The following TENM4 variants were observed in gnomAD, a reference collection of about 807,000 sequenced individuals.
TENM4 encodes the protein teneurin-4.
TENM4 carries 82 observed loss-of-function variants against 243.3 expected under a neutral mutation model. That is an observed-to-expected ratio of 0.34 (90% CI 0.28 to 0.40). TENM4 has a LOEUF of 0.40. Among genes scored for constraint, TENM4 ranks in the 10% least tolerant of loss-of-function variants. TENM4 has a pLI of 1.00. For missense variants in TENM4, 3,138 were observed against 3,673.3 expected (o/e 0.85, Z 3.77); for synonymous variants, 1,412 against 1,456.3 (o/e 0.97, Z 0.69).
intron 9 of TENM4, among the ~76,000 whole-genome samples, chr11:78,880,698 G>A (rs1855407160): frequency 6.6e-6 from 1 of 152,232 alleles, no homozygotes; most frequent in Non-Finnish European, 1.5e-5. Flanking sequence ...GAATGTTTCT[G>A]TTGTTTGCCC....
At chr11:78,724,441 G>C (rs1308850913) in intron 23 of TENM4, among the ~76,000 whole-genome samples, 2 of 152,180 alleles carry the variant, frequency 1.3e-5, no homozygotes, top group African/African-American at 4.8e-5. Flanking sequence ...TTCTCATTTA[G>C]ATGTTTAAGA....
chr11:78,730,810 C>T (rs1855645598), intron 21 of TENM4, among the ~76,000 whole-genome samples: 1 of 152,168 alleles, frequency 6.6e-6, no homozygotes, highest in African/African-American at 2.4e-5. Flanking sequence ...TTACCCTCAC[C>T]CCATTCTCCT....
At chr11:78,927,434 T>C (rs1001724990) in intron 6 of TENM4, among the ~76,000 whole-genome samples, 1 of 152,228 alleles carries the variant, frequency 6.6e-6, no homozygotes, top group Non-Finnish European at 1.5e-5. Flanking sequence ...CAAGAAACAT[T>C]AGAACATGGT....
At chr11:79,394,867 G>A (rs182451948) in intron 1 of TENM4, among the ~76,000 whole-genome samples, 1 of 152,208 alleles carries the variant, frequency 6.6e-6, no homozygotes, top group African/African-American at 2.4e-5. Flanking sequence ...TGAGGGCGGA[G>A]GCAGAGACTG....
At chr11:79,031,483 C>T (rs55736057) in intron 6 of TENM4, among the ~76,000 whole-genome samples, 46,542 of 151,996 alleles carry the variant, frequency 0.31, 7,262 homozygotes, top group Middle Eastern at 0.36. Context: ...ACACCTTCAA[C>T]CTCAGGATCA....
chr11:78,954,324 G>T (rs1433176002), intron 6 of TENM4, among the ~76,000 whole-genome samples: 1 of 152,238 alleles, frequency 6.6e-6, no homozygotes, highest in African/African-American at 2.4e-5. Flanking sequence ...AGCAGGCTGT[G>T]TGGGGGCAGC....
intron 9 of TENM4, among the ~76,000 whole-genome samples, chr11:78,874,195 G>A (rs1859206258): frequency 6.6e-6 from 1 of 152,070 alleles, no homozygotes; most frequent in Non-Finnish European, 1.5e-5. Flanking sequence ...CTTACCAGCT[G>A]TGCATCAACA....
chr11:78,841,569 T>C (rs1447653487), intron 12 of TENM4, among the ~76,000 whole-genome samples: 2 of 152,088 alleles, frequency 1.3e-5, no homozygotes, highest in Admixed American at 1.3e-4. Flanking sequence ...CCTCCTTTCC[T>C]AGGCTCCTCC....
At chr11:79,236,008 T>G (rs750789823) in intron 2 of TENM4, among the ~76,000 whole-genome samples, 1 of 152,112 alleles carries the variant, frequency 6.6e-6, no homozygotes, top group Non-Finnish European at 1.5e-5. Flanking sequence ...AACAATGCGC[T>G]CCTCTTCCAA....
chr11:79,239,831 A>G (rs888350536), intron 2 of TENM4, among the ~76,000 whole-genome samples: 1 of 152,192 alleles, frequency 6.6e-6, no homozygotes, highest in Non-Finnish European at 1.5e-5. Flanking sequence ...GCACTCAGGT[A>G]TAAAAGATAG....
At chr11:79,323,908 T>A (rs7127793) in intron 1 of TENM4, among the ~76,000 whole-genome samples, 2 of 151,448 alleles carry the variant, frequency 1.3e-5, no homozygotes, top group African/African-American at 4.9e-5. Context: ...CACACATATA[T>A]ACACTGACAT....
At chr11:79,343,656 A>T (rs780996261) in intron 1 of TENM4, among the ~76,000 whole-genome samples, 32 of 122,386 alleles carry the variant, frequency 2.6e-4, no homozygotes, top group Non-Finnish European at 1.7e-4. Flanking sequence ...AGCTAAGTTT[A>T]AAAAAAAAAA....
chr11:78,695,097 A>T (rs1312137584), intron 28 of TENM4, among the ~76,000 whole-genome samples: 1 of 151,936 alleles, frequency 6.6e-6, no homozygotes, highest in Non-Finnish European at 1.5e-5. Context: ...CCCAGGCTGG[A>T]GTGCAGTGGT....
intron 4 of TENM4, among the ~76,000 whole-genome samples, chr11:79,142,997 A>T (rs956056762): frequency 2.0e-5 from 3 of 152,156 alleles, no homozygotes; most frequent in Non-Finnish European, 2.9e-5. Context: ...CACCAGTTAG[A>T]ATGGTGATCA....
intron 12 of TENM4, among the ~76,000 whole-genome samples, chr11:78,839,298 C>T (rs1227748813): frequency 6.6e-6 from 1 of 152,054 alleles, no homozygotes; most frequent in Middle Eastern, 3.2e-3. Context: ...GTTATAGTTC[C>T]TAATTATTCA....
At chr11:78,708,308 G>A in intron 27 of TENM4, 53 bp downstream of exon 27, 1 of 1,605,550 alleles carries the variant, frequency 6.2e-7, no homozygotes, top group South Asian at 1.1e-5. Context: ...CTGGGTGGCA[G>A]ATGAGAGGAT....
At chr11:78,834,999 T>C (rs1858069805) in intron 12 of TENM4, among the ~76,000 whole-genome samples, 1 of 152,192 alleles carries the variant, frequency 6.6e-6, no homozygotes, top group Non-Finnish European at 1.5e-5. Flanking sequence ...TCCACTCTTT[T>C]TTTCAAAAGT....
intron 7 of TENM4, among the ~76,000 whole-genome samples, chr11:78,894,104 C>CTTCATTG (rs1855734394): frequency 6.6e-6 from 1 of 152,192 alleles, no homozygotes; most frequent in Non-Finnish European, 1.5e-5. Flanking sequence ...CGGCATACAG[C>CTTCATTG]AGGCACATAG....
intron 2 of TENM4, among the ~76,000 whole-genome samples, chr11:79,246,358 A>C (rs1358677431): frequency 1.3e-5 from 2 of 152,214 alleles, no homozygotes; most frequent in Non-Finnish European, 2.9e-5. Context: ...CAAGTCAGCA[A>C]ACTTTGGAAA....
Sources: gnomAD v4.1 joint callset for allele counts (sites outside exome capture counted in the v4.1 genomes callset) on GRCh38, gnomAD v4.1.1 for gene constraint, MANE v1.5 for transcripts, NCBI Gene and HGNC (gene_info 2026-07-23, HGNC 2026-07-21) for gene names.